CDH4: variants seen among roughly 807,000 people sequenced by gnomAD.
CDH4 encodes the protein cadherin-4.
In CDH4, 33 loss-of-function variants were observed where a neutral mutation model predicts 86.0. The ratio of observed to expected loss-of-function variants is 0.38; its 90% CI spans 0.29 to 0.51. The LOEUF (loss-of-function observed/expected upper bound fraction) is 0.51, where lower values mean the gene tolerates loss of function less well. Ranked by LOEUF, CDH4 falls within the 20% of genes least tolerant of loss-of-function variation. The pLI, the probability that CDH4 is intolerant of heterozygous loss-of-function variation, is 0.86. For missense variants in CDH4, 1,114 were observed against 1,307.4 expected, an observed-to-expected ratio of 0.85 and a Z score of 2.28; for synonymous variants, 555 against 549.4, an observed-to-expected ratio of 1.01 and a Z score of -0.14.
chr20:61,264,756 C>A (rs1350793184), intron 2 of CDH4, among the ~76,000 whole-genome samples: 1 of 144,486 alleles, frequency 6.9e-6, no homozygotes, highest in Non-Finnish European at 1.5e-5. Context: ...CTACACATAC[C>A]CCAGTGGCTC....
chr20:61,814,646 T>TA (rs1424802120), intron 4 of CDH4, among the ~76,000 whole-genome samples: 10 of 152,360 alleles, frequency 6.6e-5, no homozygotes, highest in Admixed American at 5.9e-4. Flanking sequence ...AATACATACT[T>TA]AAGATACTGG....
rs190112980 is a variant in CDH4, at chr20:61,903,942, C to A, written c.1189-6480C>A. 3.0e-4 allele frequency among the ~76,000 whole-genome samples: 45 copies of A among 152,344 alleles called. 1 individual carries two copies. The South Asian group carries it at 8.9e-3, about 30-fold the overall frequency. On this transcript the variant is annotated intron_variant, in intron 8 of 15. Transcript: ENST00000614565. ...ACAGGCCTGTCTCCTTGCGAGGGCC[C>A]GCAAGCTTCTCCTCTCTGCTGCTGC...
At chr20:61,434,961 A>G (rs2085272529) in intron 2 of CDH4, 2 of 152,196 alleles carry the variant, frequency 1.3e-5, no homozygotes, top group African/African-American at 4.8e-5. Flanking sequence ...TTTACTTTTT[A>G]GGACTCCATC....
intron 2 of CDH4, among the ~76,000 whole-genome samples, chr20:61,600,954 G>A (rs545822194): frequency 1.9e-4 from 29 of 152,234 alleles, no homozygotes; most frequent in African/African-American, 6.5e-4. Context: ...GCTGTCTGGC[G>A]AGCTCCTACT....
chr20:61,642,164 G>A lies in CDH4; in HGVS notation c.170-101399G>A, dbSNP rs551108185. Among the ~76,000 whole-genome samples the A allele has an allele frequency of 4.1e-4, 62 of 152,342 alleles. 1 individual carries two copies. The highest frequency in any genetic ancestry group is 1.4e-3 in the African/African-American group (59 of 41,574). ...AAATCAGAAAGAAAAAATGAGTATG[G>A]TCTAGCCCAGGTTGTAGTCATCTTT... On this transcript the variant is annotated intron_variant, in intron 2 of 15. Transcript: ENST00000614565.
At chr20:61,371,850 G>A (rs555541198) in intron 2 of CDH4, among the ~76,000 whole-genome samples, 13 of 152,332 alleles carry the variant, frequency 8.5e-5, no homozygotes, top group South Asian at 2.1e-4. Context: ...CTTTTCCTGC[G>A]GTGATGTAAA....
At chr20:61,326,177 A>C (rs958138620) in intron 2 of CDH4, among the ~76,000 whole-genome samples, 4 of 152,126 alleles carry the variant, frequency 2.6e-5, no homozygotes, top group Non-Finnish European at 5.9e-5. Flanking sequence ...GCAGGGATGG[A>C]TATGCCACCG....
intron 4 of CDH4, 31 bp downstream of exon 4, chr20:61,773,213 G>C (rs1171074177): frequency 1.7e-5 from 25 of 1,498,816 alleles, no homozygotes; most frequent in Non-Finnish European, 2.2e-5. Context: ...CGGGCACGGG[G>C]GTCTCGGCGT....
chr20:61,515,247 CCT>C (rs1215062055), intron 2 of CDH4, among the ~76,000 whole-genome samples: 1 of 152,260 alleles, frequency 6.6e-6, no homozygotes, highest in Non-Finnish European at 1.5e-5. Flanking sequence ...TGGGGACTCC[CCT>C]GTGTGGTCAC....
intron 2 of CDH4, among the ~76,000 whole-genome samples, chr20:61,509,291 C>A (rs890147002): frequency 6.6e-6 from 1 of 151,874 alleles, no homozygotes; most frequent in Middle Eastern, 3.2e-3. Flanking sequence ...ATGCCTCCTG[C>A]CCTCAGAGGG....
intron 4 of CDH4, among the ~76,000 whole-genome samples, chr20:61,816,618 G>C (rs1281312343): frequency 1.3e-5 from 2 of 151,972 alleles, no homozygotes; most frequent in South Asian, 4.2e-4. Context: ...GCTGGGGAGG[G>C]CTCAGAAGCC....
intron 2 of CDH4, among the ~76,000 whole-genome samples, chr20:61,350,855 T>C (rs917687133): frequency 7.5e-6 from 1 of 133,478 alleles, no homozygotes; most frequent in African/African-American, 3.0e-5. Context: ...CATGAGCATG[T>C]CGCATGCTGC....
chr20:61,362,159 G>C (rs952624574), intron 2 of CDH4, among the ~76,000 whole-genome samples: 2 of 152,236 alleles, frequency 1.3e-5, no homozygotes, highest in Non-Finnish European at 1.5e-5. Context: ...GGAAGGCAAT[G>C]ATGAGGAAGA....
intron 2 of CDH4, among the ~76,000 whole-genome samples, chr20:61,683,460 C>T (rs373734408): frequency 9.9e-5 from 15 of 152,284 alleles, no homozygotes; most frequent in African/African-American, 3.4e-4. Context: ...CCCCGAACCG[C>T]GAGTCGTGGA....
At chr20:61,781,934 G>A (rs533606739) in intron 4 of CDH4, among the ~76,000 whole-genome samples, 11 of 152,288 alleles carry the variant, frequency 7.2e-5, no homozygotes, top group South Asian at 6.2e-4. Context: ...GCAGGCACAC[G>A]CCAACAGAAC....
chr20:61,800,922 T>A (rs140549842), intron 4 of CDH4, among the ~76,000 whole-genome samples: 4 of 152,366 alleles, frequency 2.6e-5, no homozygotes, highest in Admixed American at 6.5e-5. Context: ...CGGGCCCATC[T>A]GCGCCACACA....
chr20:61,642,837 A>T (rs537925831), intron 2 of CDH4, among the ~76,000 whole-genome samples: 1 of 152,228 alleles, frequency 6.6e-6, no homozygotes, highest in African/African-American at 2.4e-5. Flanking sequence ...CCATCTCTGA[A>T]GCCAGAAAAT....
chr20:61,639,158 C>T (rs2427216), intron 2 of CDH4, among the ~76,000 whole-genome samples: 27 of 152,084 alleles, frequency 1.8e-4, no homozygotes, highest in African/African-American at 6.3e-4. Context: ...TTCTGAGGTC[C>T]GTGCAAGGTG....
rs555750406 is a variant in CDH4, at chr20:61,522,755, A to G, written c.170-220808A>G. Among the ~76,000 whole-genome samples, 38 of 150,734 alleles carry G rather than the reference A, an allele frequency of 2.5e-4. No individual in the cohort carries two copies. In the South Asian group the frequency reaches 6.9e-3, roughly 27 times the overall value. ...GGCCGCGGGCTGTTGTCTTCCGCGG[A>G]AAGTTTAATTGACGGCCCGGTGCCG... On this transcript the variant is annotated intron_variant, in intron 2 of 15. Transcript: ENST00000614565.
Sources: allele counts gnomAD v4.1 joint callset (sites outside exome capture counted in the v4.1 genomes callset), GRCh38; gene constraint gnomAD v4.1.1; transcripts MANE v1.5; gene names NCBI Gene and HGNC (gene_info 2026-07-23, HGNC 2026-07-21).